Variants in GTF2IRD1 observed in about 807,000 individuals in gnomAD.
GTF2IRD1 encodes GTF2I repeat domain containing 1.
Under a neutral mutation model 113.2 loss-of-function variants are expected in GTF2IRD1, and 26 were observed. The observed-to-expected ratio is 0.23, with a 90% confidence interval of 0.17 to 0.32. The LOEUF is 0.32. Ranked by LOEUF, GTF2IRD1 falls within the 10% of genes least tolerant of loss-of-function variation. GTF2IRD1 has a pLI of 1.00. For missense variants in GTF2IRD1, 864 were observed against 1,280.8 expected (o/e 0.67, Z 4.97); for synonymous variants, 484 against 529.1 (o/e 0.91, Z 1.17).
intron 1 of GTF2IRD1, among the ~76,000 whole-genome samples, chr7:74,456,833 G>A (rs1241313484): frequency 3.3e-5 from 5 of 151,912 alleles, no homozygotes; most frequent in African/African-American, 1.2e-4. Context: ...TCCTTTATTA[G>A]CCCTGCCTGG....
rs782576610 is a variant in GTF2IRD1, at chr7:74,590,816, G to A, written c.2399-9G>A. On this transcript the variant is annotated splice_polypyrimidine_tract_variant and intron_variant, in intron 23 of 26. Transcript: ENST00000424337. ...ATCTTTCCTCACTGTGACTTCCTGT[G>A]CCCTCTAGGTGAGGCCCTGGGCCTG... 5 of 1,569,504 alleles carry A rather than the reference G, an allele frequency of 3.2e-6. No individual in the cohort carries two copies. The South Asian group carries it at 4.6e-5, about 14-fold the overall frequency.
At chr7:74,598,263 T>C (rs782040349) in intron 25 of GTF2IRD1, among the ~76,000 whole-genome samples, 1 of 151,670 alleles carries the variant, frequency 6.6e-6, no homozygotes, top group Non-Finnish European at 1.5e-5. Context: ...GGTCTGGCAC[T>C]GAACACACGG....
chr7:74,488,868 C>T (rs1269114060), intron 1 of GTF2IRD1, among the ~76,000 whole-genome samples: 1 of 151,818 alleles, frequency 6.6e-6, no homozygotes, highest in Non-Finnish European at 1.5e-5. Context: ...TTTGCCTGGG[C>T]GCGGTGGTTC....
intron 22 of GTF2IRD1, among the ~76,000 whole-genome samples, chr7:74,580,404 C>T (rs17145600): frequency 0.059 from 8,982 of 152,178 alleles, 466 homozygotes; most frequent in East Asian, 0.18. Flanking sequence ...AACGTGAGGT[C>T]GTCAGTCTGA....
At chr7:74,458,613 G>T (rs1354145544) in intron 1 of GTF2IRD1, among the ~76,000 whole-genome samples, 1 of 151,830 alleles carries the variant, frequency 6.6e-6, no homozygotes, top group East Asian at 1.9e-4. Context: ...GGTTTTGGAG[G>T]CAGAAAGCTT....
intron 2 of GTF2IRD1, among the ~76,000 whole-genome samples, chr7:74,508,748 C>T (rs906599994): frequency 2.0e-5 from 3 of 152,052 alleles, no homozygotes; most frequent in Non-Finnish European, 4.4e-5. Context: ...CGCCCTCGTC[C>T]CCTTGTCCCT....
At position 74,570,565 on chromosome 7, in the gene GTF2IRD1, G is replaced by A. The variant is rs1234500850; in HGVS notation, c.2320+10910G>A. 2.0e-5 allele frequency among the ~76,000 whole-genome samples: 3 copies of A among 151,522 alleles called. No homozygotes were observed. In the South Asian group the frequency reaches 6.3e-4, roughly 32 times the overall value. On this transcript the variant is annotated intron_variant, in intron 22 of 26. Coordinates refer to ENST00000424337, the MANE Select transcript of GTF2IRD1 (RefSeq NM_005685.4). ...GGTACTCGGGAGGCTGAGGAGGGAGGATCGCTTGAGCCCAGGAAGTCAAAG... is the reference window on the plus strand; with the variant it reads ...GGTACTCGGGAGGCTGAGGAGGGAGAATCGCTTGAGCCCAGGAAGTCAAAG...
intron 9 of GTF2IRD1, among the ~76,000 whole-genome samples, chr7:74,531,915 A>C (rs1797984554): frequency 6.6e-6 from 1 of 151,826 alleles, no homozygotes; most frequent in South Asian, 2.1e-4. Flanking sequence ...CCTACTTCTC[A>C]TGTCTGTATT....
intron 22 of GTF2IRD1, among the ~76,000 whole-genome samples, chr7:74,566,008 C>CACACAA (rs1800287545): frequency 7.4e-6 from 1 of 135,612 alleles, no homozygotes; most frequent in Non-Finnish European, 1.6e-5. Context: ...GACACACAAA[C>CACACAA]ACACACACAC....
intron 22 of GTF2IRD1, among the ~76,000 whole-genome samples, chr7:74,562,824 C>CTT (rs1800062330): frequency 6.6e-6 from 1 of 152,080 alleles, no homozygotes; most frequent in Non-Finnish European, 1.5e-5. Context: ...TCAAGTGATC[C>CTT]GCCCATCTTG....
At chr7:74,480,381 G>C (rs950907028) in intron 1 of GTF2IRD1, among the ~76,000 whole-genome samples, 1 of 152,174 alleles carries the variant, frequency 6.6e-6, no homozygotes, top group Admixed American at 6.5e-5. Flanking sequence ...CTGGCCAGGG[G>C]CCCCAGTGCA....
intron 20 of GTF2IRD1, among the ~76,000 whole-genome samples, chr7:74,558,502 C>T (rs1159565877): frequency 6.6e-6 from 1 of 151,490 alleles, no homozygotes; most frequent in Admixed American, 6.6e-5. Context: ...TGGAACTACA[C>T]CCCACTGGGC....
chr7:74,574,007 G>C (rs782356990), intron 22 of GTF2IRD1, among the ~76,000 whole-genome samples: 1 of 152,160 alleles, frequency 6.6e-6, no homozygotes, highest in Non-Finnish European at 1.5e-5. Flanking sequence ...CTTTGAGACA[G>C]AGTTGCGCTC....
At chr7:74,557,455 G>T (rs1431105191) in intron 19 of GTF2IRD1, among the ~76,000 whole-genome samples, 184 bp from the exon 20 acceptor site, 2 of 152,168 alleles carry the variant, frequency 1.3e-5, no homozygotes, top group African/African-American at 4.8e-5. Flanking sequence ...AACAGTGCAT[G>T]TCCTTCTGAA....
chr7:74,570,530 T>C (rs1485304408), intron 22 of GTF2IRD1, among the ~76,000 whole-genome samples: 1 of 151,998 alleles, frequency 6.6e-6, no homozygotes, highest in Non-Finnish European at 1.5e-5. Context: ...GGCACACATC[T>C]GTAGTCTCAG....
intron 2 of GTF2IRD1, among the ~76,000 whole-genome samples, chr7:74,510,914 T>C (rs896022650): frequency 3.9e-5 from 6 of 151,908 alleles, no homozygotes; most frequent in Non-Finnish European, 8.8e-5. Context: ...CCAGGCATGG[T>C]GATGCATGCC....
At chr7:74,589,799 C>T (rs1801944825) in intron 22 of GTF2IRD1, 52 bp from the exon 23 acceptor site, 3 of 1,103,158 alleles carry the variant, frequency 2.7e-6, no homozygotes, top group Non-Finnish European at 4.2e-6. Context: ...AGCAGCAGGT[C>T]CAGTGGCTAA....
At chr7:74,575,596 T>G (rs1364011381) in intron 22 of GTF2IRD1, among the ~76,000 whole-genome samples, 1 of 152,168 alleles carries the variant, frequency 6.6e-6, no homozygotes, top group Non-Finnish European at 1.5e-5. Flanking sequence ...AGTCACCCAC[T>G]CTTAGGTGAG....
At chr7:74,538,855 C>A (rs1562849611) in intron 13 of GTF2IRD1, 95 bp downstream of exon 13, 4 of 710,464 alleles carry the variant, frequency 5.6e-6, no homozygotes, top group African/African-American at 3.5e-5. Flanking sequence ...GCCTCCAGGC[C>A]GCTGTTTCTC....
Sources: gnomAD v4.1 joint callset for allele counts (sites outside exome capture counted in the v4.1 genomes callset) on GRCh38, gnomAD v4.1.1 for gene constraint, MANE v1.5 for transcripts, NCBI Gene and HGNC (gene_info 2026-07-23, HGNC 2026-07-21) for gene names.